The following RAB37 variants were observed in gnomAD, a reference collection of about 807,000 sequenced individuals.
RAB37 encodes the protein ras-related protein Rab-37.
RAB37 carries 29 observed loss-of-function variants against 33.1 expected under a neutral mutation model. The ratio of observed to expected loss-of-function variants is 0.88; its 90% confidence interval spans 0.65 to 1.20. RAB37 has a LOEUF of 1.20. Ranked by LOEUF, RAB37 falls within the 50% of genes most tolerant of loss-of-function variation. The pLI is 0.00. For missense variants in RAB37, 299 were observed against 301.1 expected (o/e 0.99, Z 0.05); for synonymous variants, 128 against 119.5 (o/e 1.07, Z -0.47).
At chr17:74,739,530 T>C (rs1029407584) in intron 1 of RAB37, among the ~76,000 whole-genome samples, 2 of 146,858 alleles carry the variant, frequency 1.4e-5, no homozygotes, top group African/African-American at 5.1e-5. Context: ...GCAACCTTTT[T>C]TTTTTTTTTT....
intron 1 of RAB37, among the ~76,000 whole-genome samples, chr17:74,691,866 A>ATT (rs1334184845): frequency 4.0e-4 from 56 of 139,494 alleles, no homozygotes; most frequent in Non-Finnish European, 4.5e-4. Flanking sequence ...ATGTTATGCC[A>ATT]TTTTTTTTTT....
chr17:74,698,716 G>A (rs2032757361), intron 1 of RAB37: 2 of 1,009,408 alleles, frequency 2.0e-6, no homozygotes, highest in Non-Finnish European at 2.8e-6. Flanking sequence ...AGGATGGAGG[G>A]TGGGAGGAAG....
rs1332575508 is a variant in RAB37 at position 74,727,973 on chromosome 17, ATGTGTCTG to A, written c.73-1270_73-1263del. Reference sequence around the variant, plus strand: ...TGTCTGTGTGTCGGTGCCTGTGTATATGTGTCTGTGTGTCTGTGTGAATGTGCATATGT... The same window carrying A: ...TGTCTGTGTGTCGGTGCCTGTGTATATGTGTCTGTGTGAATGTGCATATGT... On this transcript the variant is annotated intron_variant, in intron 1 of 7. Coordinates refer to the RAB37 transcript ENST00000340415. Among the ~76,000 whole-genome samples, 6 of 150,362 alleles carry A rather than the reference ATGTGTCTG, an allele frequency of 4.0e-5. 1 individual carries two copies. The highest frequency in any genetic ancestry group is 1.5e-5 in the Non-Finnish European group (1 of 67,626).
chr17:74,713,485 G>A (rs2034095782), intron 1 of RAB37, among the ~76,000 whole-genome samples: 3 of 152,062 alleles, frequency 2.0e-5, no homozygotes, highest in Admixed American at 2.0e-4. Context: ...GTGGAAACCT[G>A]CAGACAGATC....
At chr17:74,674,718 G>A (rs2031785030) in intron 1 of RAB37, among the ~76,000 whole-genome samples, 3 of 152,062 alleles carry the variant, frequency 2.0e-5, no homozygotes. Context: ...AAAAAATCCT[G>A]AATCTTATGT....
rs1050131753 is a variant in RAB37, at chr17:74,740,759, AC to A, written c.94-4del. 2 of 1,602,924 alleles carry A rather than the reference AC, an allele frequency of 1.2e-6. No homozygotes were observed. The highest frequency in any genetic ancestry group is 1.7e-6 in the Non-Finnish European group (2 of 1,170,320). On this transcript the variant is annotated splice_polypyrimidine_tract_variant and splice_region_variant and intron_variant, in intron 1 of 8. Transcript: ENST00000392613. ...CTCCCCATTAACTGCCTCTGCCCCT[AC>A]CCCCTAGGTGATGCTTCTGGGAGAC...
At chr17:74,705,752 G>A (rs543725841) in intron 1 of RAB37, among the ~76,000 whole-genome samples, 7 of 151,950 alleles carry the variant, frequency 4.6e-5, no homozygotes, top group South Asian at 2.1e-4. Context: ...ATGCCTCCAC[G>A]CCTGGCTAAT....
At chr17:74,723,582 T>C (rs2034268883) in intron 1 of RAB37, among the ~76,000 whole-genome samples, 1 of 149,480 alleles carries the variant, frequency 6.7e-6, no homozygotes, top group Non-Finnish European at 1.5e-5. Flanking sequence ...TAACTTTTTT[T>C]TTTTTTTTTT....
chr17:74,729,474 G>T lies in RAB37; in HGVS notation c.183+108G>T. 1.3e-6 allele frequency: 1 copy of T among 797,956 alleles called. No homozygotes were observed. Among genetic ancestry groups the T allele is most frequent in the South Asian group, 1.4e-5 (1 of 72,678 alleles). 49.4% of individuals were successfully genotyped at this position (797,956 alleles called of 1,614,324 possible). A position where few individuals can be genotyped will look rare whatever the true frequency, so the allele number is the denominator to read the frequency against. On this transcript the variant is annotated intron_variant, in intron 2 of 7. Transcript: ENST00000340415. This position sits in a 1 kb window ranked among gnomAD's most constrained non-coding sequence, Gnocchi z 4.2. ...TGGACACTCGCATTGGATCATTCAA[G>T]GAGGATTAAGGAGAAGACTGTTCCC...
rs1296050680 is a variant in RAB37 at position 74,744,942 on chromosome 17, C to T, written c.489+13C>T. The stretch of plus-strand genomic sequence containing the variant: ...GACCTTGGCCAGGGTAAGTGATTGT[C>T]TGTGGGACAGGGTGAAGGGTGGGGG... On this transcript the variant is annotated intron_variant, in intron 7 of 8. Coordinates refer to ENST00000392613, the MANE Select transcript of RAB37 (RefSeq NM_001006638.3). The surrounding 1 kb of genome is among the most constrained non-coding windows in gnomAD (Gnocchi z 4.2). 7 of 1,614,124 alleles carry T rather than the reference C, an allele frequency of 4.3e-6. No homozygotes were observed. The highest frequency in any genetic ancestry group is 5.1e-6 in the Non-Finnish European group (6 of 1,180,042).
upstream of RAB37, chr17:74,736,942 A>G: frequency 1.3e-6 from 2 of 1,516,748 alleles, no homozygotes; most frequent in South Asian, 1.2e-5. Flanking sequence ...TCCGCAGCAG[A>G]CGGGGTCCCC....
In RAB37 at chr17:74,737,269, G is replaced by A. The variant is rs1270273557; in HGVS notation, c.-4G>A. ...CCGGCACTGCTCACCTCTCGTCCAG[G>A]GACATGACGGGCACGCCAGGCGCCG... On this transcript the variant is annotated 5_prime_UTR_variant, in exon 1 of 9. Coordinates refer to ENST00000392613, the MANE Select transcript of RAB37 (RefSeq NM_001006638.3). 1 of 1,561,566 alleles carries A rather than the reference G, an allele frequency of 6.4e-7. No homozygotes were observed. The highest frequency in any genetic ancestry group is 1.3e-5 in the African/African-American group (1 of 74,492).
At chr17:74,684,834 GTTTA>G (rs1306251181) in intron 1 of RAB37, among the ~76,000 whole-genome samples, 1 of 148,836 alleles carries the variant, frequency 6.7e-6, no homozygotes, top group African/African-American at 2.5e-5. Context: ...ACATGCATGT[GTTTA>G]TTTATACATA....
chr17:74,698,521 C>T, intron 1 of RAB37: 4 of 1,577,116 alleles, frequency 2.5e-6, no homozygotes, highest in Non-Finnish European at 3.4e-6. Flanking sequence ...CCCAGGCTCA[C>T]CACCTGCCTC....
chr17:74,733,558 G>GGT (rs1307340002), upstream of RAB37, among the ~76,000 whole-genome samples: 9 of 7,394 alleles, frequency 1.2e-3, no homozygotes, highest in African/African-American at 3.0e-3. Flanking sequence ...TATGGTCTGA[G>GGT]GTGTGTGTGT....
In RAB37 at chr17:74,745,259, A is replaced by G. The variant is rs781736698; in HGVS notation, c.567-47A>G. The G allele has an allele frequency of 6.3e-7, 1 of 1,582,624 alleles. No individual in the cohort carries two copies. The highest frequency in any genetic ancestry group is 1.7e-5 in the Admixed American group (1 of 59,936). ...AGGGGAGGGGGCGGCTCAGCTCCTC[A>G]CCCCAGCCCAGCCCAGCCCAGCCCA... is the stretch of plus-strand genomic sequence containing the variant. On this transcript the variant is annotated intron_variant, in intron 8 of 8. Coordinates refer to ENST00000392613, the MANE Select transcript of RAB37 (RefSeq NM_001006638.3). The surrounding 1 kb of genome is among the most constrained non-coding windows in gnomAD (Gnocchi z 4.5).
At chr17:74,733,934 A>G (rs1292978323), upstream of RAB37, among the ~76,000 whole-genome samples, 1 of 152,110 alleles carries the variant, frequency 6.6e-6, no homozygotes, top group Non-Finnish European at 1.5e-5. Context: ...CCCATGTTCA[A>G]AGACTTCTTC....
rs921433261 is a variant in RAB37 at position 74,745,989 on chromosome 17, C to G, written c.*578C>G. The G allele has an allele frequency of 6.5e-6, 1 of 153,626 alleles. No homozygotes were observed. Among genetic ancestry groups the G allele is most frequent in the South Asian group, 2.0e-4 (1 of 5,022 alleles). 9.5% of individuals were successfully genotyped at this position (153,626 alleles called of 1,614,324 possible). A position where few individuals can be genotyped will look rare whatever the true frequency, so the allele number is the denominator to read the frequency against. On this transcript the variant is annotated 3_prime_UTR_variant, in exon 9 of 9. Transcript: ENST00000392613. The surrounding 1 kb of genome is among the most constrained non-coding windows in gnomAD (Gnocchi z 4.5). ...AGATATGGAGATGGGAGGGGGAGGA[C>G]AAGGGGCAGAGAGTAGGGTCTAGCT...
At chr17:74,677,065 G>A (rs528044609) in intron 1 of RAB37, among the ~76,000 whole-genome samples, 4 of 152,126 alleles carry the variant, frequency 2.6e-5, no homozygotes, top group Non-Finnish European at 2.9e-5. Context: ...CAGGAGAATC[G>A]CTTGAACCCA....
Sources: gnomAD v4.1 joint callset for allele counts (sites outside exome capture counted in the v4.1 genomes callset) on GRCh38, gnomAD v4.1.1 for gene constraint, Gnocchi (gnomAD v3.1) non-coding constraint, MANE v1.5 for transcripts, NCBI Gene and HGNC (gene_info 2026-07-23, HGNC 2026-07-21) for gene names.